Variants in FHIT observed in about 807,000 individuals in gnomAD.
FHIT encodes bis(5'-adenosyl)-triphosphatase.
FHIT carries 19 observed loss-of-function variants against 17.9 expected under a neutral mutation model. That is an observed-to-expected ratio of 1.06 (90% CI 0.74 to 1.56). FHIT has a LOEUF of 1.56. Ranked by LOEUF, FHIT falls within the 40% of genes most tolerant of loss-of-function variation. The pLI is 0.00. For synonymous variants in FHIT, 81 were observed against 69.7 expected, an observed-to-expected ratio of 1.16 and a Z score of -0.81; for missense variants, 248 against 189.2, an observed-to-expected ratio of 1.31 and a Z score of -1.82.
chr3:60,084,102 C>T (rs3845977), intron 5 of FHIT, among the ~76,000 whole-genome samples: 1 of 151,932 alleles, frequency 6.6e-6, no homozygotes, highest in Non-Finnish European at 1.5e-5. Context: ...TACGTACATA[C>T]ATAATGTTGT....
chr3:60,456,342 C>T (rs1392779299), intron 5 of FHIT, among the ~76,000 whole-genome samples: 2 of 152,206 alleles, frequency 1.3e-5, no homozygotes, highest in East Asian at 3.8e-4. Context: ...ACCTACTCTG[C>T]CACATTCACT....
At chr3:60,996,048 A>C (rs2030651029) in intron 3 of FHIT, among the ~76,000 whole-genome samples, 1 of 151,460 alleles carries the variant, frequency 6.6e-6, no homozygotes, top group Non-Finnish European at 1.5e-5. Context: ...GTTTTATTTA[A>C]GGCATAAAAA....
At chr3:60,243,063 TAAA>T (rs79498697) in intron 5 of FHIT, among the ~76,000 whole-genome samples, 1 of 128,488 alleles carries the variant, frequency 7.8e-6, no homozygotes, top group African/African-American at 2.8e-5. Flanking sequence ...AGTCCAAAAC[TAAA>T]AAAAAAAAAA....
intron 5 of FHIT, among the ~76,000 whole-genome samples, chr3:60,301,329 C>A (rs983254375): frequency 6.6e-6 from 1 of 152,070 alleles, no homozygotes; most frequent in African/African-American, 2.4e-5. Flanking sequence ...GTACGTATTA[C>A]TAAAGAATGA....
intron 3 of FHIT, among the ~76,000 whole-genome samples, chr3:60,836,334 CTG>C (rs1440919473): frequency 6.6e-6 from 1 of 152,084 alleles, no homozygotes; most frequent in Non-Finnish European, 1.5e-5. Context: ...CTGGAAGAGA[CTG>C]TATAAAACTC....
chr3:60,206,773 T>G (rs1703211080), intron 5 of FHIT, among the ~76,000 whole-genome samples: 2 of 152,156 alleles, frequency 1.3e-5, no homozygotes, highest in Admixed American at 1.3e-4. Flanking sequence ...GCTGAATGTG[T>G]GTGTGTGTAA....
chr3:60,639,581 A>G (rs2039675601), intron 4 of FHIT, among the ~76,000 whole-genome samples: 1 of 152,170 alleles, frequency 6.6e-6, no homozygotes, highest in African/African-American at 2.4e-5. Flanking sequence ...CAGAATTTGA[A>G]AAATATCATT....
intron 8 of FHIT, among the ~76,000 whole-genome samples, chr3:59,875,973 T>C (rs1037230800): frequency 6.6e-6 from 1 of 151,818 alleles, no homozygotes; most frequent in African/African-American, 2.4e-5. Flanking sequence ...AAAAAGATTT[T>C]AGTTCAAGAA....
chr3:59,986,520 T>TACACACAC lies in FHIT; in HGVS notation c.279+24850_279+24851insGTGTGTGT, dbSNP rs1346692438. Among the ~76,000 whole-genome samples the TACACACAC allele has an allele frequency of 6.9e-4, 9 of 13,114 alleles. 3 individuals carry two copies. Among genetic ancestry groups the TACACACAC allele is most frequent in the African/African-American group, 2.6e-3 (9 of 3,466 alleles). The allele number at this position is 13,114 out of a possible 152,430, so 8.6% of individuals were successfully genotyped here. The stretch of plus-strand genomic sequence containing the variant: ...CAAAATATATATATATATATATATA[T>TACACACAC]ATATATATATATATATATATACACA... On this transcript the variant is annotated intron_variant, in intron 7 of 9. Transcript: ENST00000492590.
At chr3:60,793,442 A>T (rs1700858493) in intron 4 of FHIT, among the ~76,000 whole-genome samples, 1 of 152,034 alleles carries the variant, frequency 6.6e-6, no homozygotes, top group Admixed American at 6.6e-5. Context: ...GGTTGGGATT[A>T]CAGGTGCCTG....
intron 8 of FHIT, among the ~76,000 whole-genome samples, chr3:59,769,754 A>G (rs1281657953): frequency 2.0e-5 from 3 of 151,542 alleles, no homozygotes; most frequent in Non-Finnish European, 1.5e-5. Context: ...TTTTGAAAAA[A>G]ATGGCCATCT....
intron 5 of FHIT, among the ~76,000 whole-genome samples, chr3:60,159,414 C>A (rs1421303679): frequency 6.6e-6 from 1 of 152,178 alleles, no homozygotes; most frequent in East Asian, 1.9e-4. Flanking sequence ...GGCCATAATG[C>A]CCAGCCGATG....
intron 4 of FHIT, among the ~76,000 whole-genome samples, chr3:60,557,289 GT>G (rs2036774217): frequency 6.6e-6 from 1 of 152,080 alleles, no homozygotes; most frequent in Admixed American, 6.5e-5. Flanking sequence ...ACCTCCAACA[GT>G]GCTAAGAAAG....
At chr3:60,607,179 C>T (rs962350224) in intron 4 of FHIT, among the ~76,000 whole-genome samples, 10 of 152,042 alleles carry the variant, frequency 6.6e-5, no homozygotes, top group African/African-American at 2.4e-4. Flanking sequence ...CATTGATAAC[C>T]ACACCACTAA....
intron 5 of FHIT, among the ~76,000 whole-genome samples, chr3:60,485,528 T>C (rs1279102004): frequency 6.6e-6 from 1 of 152,036 alleles, no homozygotes; most frequent in East Asian, 1.9e-4. Context: ...CTGGAAGCCA[T>C]CATCCTCAGC....
At chr3:61,141,559 A>G (rs1035011916) in intron 2 of FHIT, among the ~76,000 whole-genome samples, 81 of 144,338 alleles carry the variant, frequency 5.6e-4, no homozygotes, top group African/African-American at 1.9e-3. Flanking sequence ...CACTCCACCC[A>G]AGCAATGAGA....
At chr3:60,737,995 C>G (rs1486086029) in intron 4 of FHIT, among the ~76,000 whole-genome samples, 4 of 152,176 alleles carry the variant, frequency 2.6e-5, no homozygotes, top group Non-Finnish European at 5.9e-5. Flanking sequence ...CTGCACTCAC[C>G]TGATTAAAAT....
chr3:60,467,563 A>AT (rs1185919760), intron 5 of FHIT, among the ~76,000 whole-genome samples: 1 of 151,358 alleles, frequency 6.6e-6, no homozygotes, highest in African/African-American at 2.4e-5. Context: ...AATTTTCTTA[A>AT]TTTTTTCATT....
chr3:61,012,266 C>G (rs1257488665), intron 3 of FHIT, among the ~76,000 whole-genome samples: 1 of 152,024 alleles, frequency 6.6e-6, no homozygotes, highest in Admixed American at 6.6e-5. Flanking sequence ...CTTTGGTAAG[C>G]CTTTGGTGTA....
Sources: allele counts gnomAD v4.1 joint callset (sites outside exome capture counted in the v4.1 genomes callset), GRCh38; gene constraint gnomAD v4.1.1; transcripts MANE v1.5; gene names NCBI Gene and HGNC (gene_info 2026-07-23, HGNC 2026-07-21).